Variants in SNX25 observed in about 807,000 individuals in gnomAD.
SNX25 encodes the protein sorting nexin-25.
A neutral mutation model predicts 113.7 loss-of-function variants in SNX25; 62 were observed. The observed-to-expected ratio is 0.55, with a 90% CI of 0.44 to 0.67. SNX25 has a LOEUF of 0.67. Ranked by LOEUF, SNX25 falls within the 30% of genes least tolerant of loss-of-function variation. The probability of loss-of-function intolerance (pLI) is 0.00; values close to 1 mark genes in which losing one functional copy is unlikely to be tolerated. For synonymous variants in SNX25, 421 were observed against 436.2 expected (o/e 0.97, Z 0.43); for missense variants, 1,014 against 1,161.0 (o/e 0.87, Z 1.84).
chr4:185,277,784 G>C lies in SNX25; in HGVS notation c.1092-10228G>C, dbSNP rs1483182685. Reference sequence around the variant, plus strand: ...GTCTCGCTCTGTCGCCCAGGCTGGAGTGCAGTGGCGGGATCTCGGCTCACT... The same window carrying C: ...GTCTCGCTCTGTCGCCCAGGCTGGACTGCAGTGGCGGGATCTCGGCTCACT... On this transcript the variant is annotated intron_variant, in intron 5 of 18. Coordinates refer to ENST00000652585, the MANE Select transcript of SNX25 (RefSeq NM_001378034.2). 2.4e-3 allele frequency among the ~76,000 whole-genome samples: 86 copies of C among 36,182 alleles called. 14 individuals are homozygous for C. Among genetic ancestry groups the C allele is most frequent in the Non-Finnish European group, 4.2e-3 (78 of 18,534 alleles). The allele number at this position is 36,182 out of a possible 152,430, so 23.7% of individuals were successfully genotyped here.
At chr4:185,376,615 T>G in the SNX25 span, among the ~76,000 whole-genome samples, 11 of 152,254 alleles carry the variant, frequency 7.2e-5, no homozygotes, top group African/African-American at 2.4e-4. Context: ...TTTGTATTAT[T>G]AAATATTTTG....
chr4:185,241,751 A>C (rs1374229220), intron 1 of SNX25, among the ~76,000 whole-genome samples: 2 of 152,180 alleles, frequency 1.3e-5, no homozygotes, highest in African/African-American at 2.4e-5. Context: ...CCTTTGTGAC[A>C]GTGGGCAAAG....
upstream of SNX25, among the ~76,000 whole-genome samples, chr4:185,208,445 T>C (rs1204519582): frequency 6.6e-6 from 1 of 152,044 alleles, no homozygotes; most frequent in Non-Finnish European, 1.5e-5. Context: ...AAGAATGAAA[T>C]GAGGCCGGGC....
the SNX25 span, chr4:185,375,665 G>A: frequency 1.2e-6 from 2 of 1,612,150 alleles, no homozygotes; most frequent in Non-Finnish European, 1.7e-6. Context: ...TAGCTGGTAA[G>A]TTGCTTGATG....
At chr4:185,275,682 C>T (rs1749577058) in intron 5 of SNX25, among the ~76,000 whole-genome samples, 1 of 152,096 alleles carries the variant, frequency 6.6e-6, no homozygotes, top group African/African-American at 2.4e-5. Flanking sequence ...TACATTGTGA[C>T]TCATGAGCAG....
At chr4:185,247,431 C>T in intron 2 of SNX25, 53 bp downstream of exon 2, 2 of 1,258,786 alleles carry the variant, frequency 1.6e-6, no homozygotes, top group South Asian at 2.5e-5. Context: ...TCATTATGTT[C>T]TAAGAGGAAA....
chr4:185,346,777 T>C, intron 13 of SNX25, 127 bp downstream of exon 13: 1 of 604,140 alleles, frequency 1.7e-6, no homozygotes, highest in South Asian at 2.4e-5. Context: ...TAAAAAAATA[T>C]CTTGGGTGTT....
intron 9 of SNX25, among the ~76,000 whole-genome samples, chr4:185,327,913 A>G (rs1258158329): frequency 6.6e-6 from 1 of 152,254 alleles, no homozygotes; most frequent in Non-Finnish European, 1.5e-5. Flanking sequence ...AGAGATAAGT[A>G]TGAAATTGCT....
intron 6 of SNX25, among the ~76,000 whole-genome samples, chr4:185,303,503 CA>C (rs1754002096): frequency 6.6e-6 from 1 of 151,572 alleles, no homozygotes; most frequent in Non-Finnish European, 1.5e-5. Flanking sequence ...ACTAAAAATA[CA>C]AAAAATTAGC....
intron 7 of SNX25, among the ~76,000 whole-genome samples, chr4:185,311,312 C>G (rs916971980): frequency 6.6e-6 from 1 of 152,138 alleles, no homozygotes; most frequent in Non-Finnish European, 1.5e-5. Context: ...AGATAAAAAC[C>G]CAGATCTGAC....
chr4:185,274,686 G>GA (rs1749406962), intron 5 of SNX25, among the ~76,000 whole-genome samples: 2 of 152,186 alleles, frequency 1.3e-5, no homozygotes, highest in South Asian at 4.1e-4. Flanking sequence ...CTCAAGAGGA[G>GA]AAAACTTTGT....
Position 185,353,611 on chromosome 4 carries a change from CT to C in SNX25, c.2584+12del, listed in dbSNP as rs762823828. 3 of 1,602,062 alleles carry C rather than the reference CT, an allele frequency of 1.9e-6. No homozygotes were observed. Among genetic ancestry groups the C allele is most frequent in the Non-Finnish European group, 2.6e-6 (3 of 1,169,150 alleles). On this transcript the variant is annotated intron_variant, in intron 15 of 18. Transcript: ENST00000652585. Reference sequence around the variant, plus strand: ...TTTTGAACTTCGAGGAAGTAAGCTTCTTTGTTATTATTTAGTGGTATTTGCT... The same window carrying C: ...TTTTGAACTTCGAGGAAGTAAGCTTCTTGTTATTATTTAGTGGTATTTGCT...
chr4:185,274,898 G>A (rs747170310), intron 5 of SNX25, among the ~76,000 whole-genome samples: 1 of 152,124 alleles, frequency 6.6e-6, no homozygotes. Context: ...AACTGAGGTC[G>A]GCCTGACTTC....
intron 1 of SNX25, among the ~76,000 whole-genome samples, chr4:185,227,728 A>G (rs1741232866): frequency 6.6e-6 from 1 of 152,122 alleles, no homozygotes; most frequent in Admixed American, 6.6e-5. Flanking sequence ...TTGGCCATGT[A>G]GATTTTGAGA....
At chr4:185,360,670 C>T (rs992461116) in intron 16 of SNX25, among the ~76,000 whole-genome samples, 5 of 152,020 alleles carry the variant, frequency 3.3e-5, no homozygotes, top group African/African-American at 4.8e-5. Flanking sequence ...AATGACTGGC[C>T]GGGTGCGGTG....
At chr4:185,374,596 C>T, downstream of SNX25, 1 of 934,380 alleles carries the variant, frequency 1.1e-6, no homozygotes, top group Non-Finnish European at 1.6e-6. Context: ...CCAAGGGGTA[C>T]AATTGTCCTG....
chr4:185,378,198 A>G, the SNX25 span: 1 of 1,613,460 alleles, frequency 6.2e-7, no homozygotes, highest in Admixed American at 1.7e-5. Flanking sequence ...CTTTTTCTGC[A>G]ATGTGTATTC....
At chr4:185,261,150 G>A (rs939539247) in intron 3 of SNX25, among the ~76,000 whole-genome samples, 2 of 147,218 alleles carry the variant, frequency 1.4e-5, no homozygotes, top group Non-Finnish European at 3.0e-5. Context: ...GTGTGTGTGT[G>A]TGTGTGTATG....
intron 5 of SNX25, among the ~76,000 whole-genome samples, chr4:185,271,934 A>G (rs1748988563): frequency 6.6e-6 from 1 of 152,260 alleles, no homozygotes; most frequent in East Asian, 1.9e-4. Flanking sequence ...CATCCTTCAA[A>G]TATACTAAAT....
Sources: gnomAD v4.1 joint callset for allele counts (sites outside exome capture counted in the v4.1 genomes callset) on GRCh38, gnomAD v4.1.1 for gene constraint, MANE v1.5 for transcripts, NCBI Gene and HGNC (gene_info 2026-07-23, HGNC 2026-07-21) for gene names.